ASIC2: variants seen among roughly 807,000 people sequenced by gnomAD.
ASIC2 encodes the protein acid-sensing ion channel 2.
In ASIC2, 25 loss-of-function variants were observed where a neutral mutation model predicts 57.3. That is an observed-to-expected ratio of 0.44 (90% confidence interval 0.32 to 0.61). ASIC2 has a LOEUF of 0.61. Ranked by LOEUF, ASIC2 falls within the 20% of genes least tolerant of loss-of-function variation. The pLI is 0.06. For missense variants in ASIC2, 641 were observed against 738.1 expected (o/e 0.87, Z 1.52); for synonymous variants, 319 against 307.5 (o/e 1.04, Z -0.39).
chr17:33,750,072 T>C (rs1400859630), intron 1 of ASIC2, among the ~76,000 whole-genome samples: 2 of 152,150 alleles, frequency 1.3e-5, no homozygotes, highest in Non-Finnish European at 2.9e-5. Flanking sequence ...TCTACTCCTG[T>C]CCATTGCATA....
intron 3 of ASIC2, among the ~76,000 whole-genome samples, chr17:33,066,789 C>T (rs992871075): frequency 2.0e-5 from 3 of 152,156 alleles, no homozygotes; most frequent in Non-Finnish European, 4.4e-5. Flanking sequence ...ATTCATTCAA[C>T]AAACATTTCC....
intron 1 of ASIC2, among the ~76,000 whole-genome samples, chr17:33,356,276 G>A (rs1186286962): frequency 6.6e-6 from 1 of 152,036 alleles, no homozygotes; most frequent in African/African-American, 2.4e-5. Flanking sequence ...AACCCTATAA[G>A]GCATGGATCA....
chr17:34,030,787 A>G (rs1907576100), intron 1 of ASIC2, among the ~76,000 whole-genome samples: 1 of 152,202 alleles, frequency 6.6e-6, no homozygotes, highest in Non-Finnish European at 1.5e-5. Flanking sequence ...TCAAACTGCA[A>G]GGCAGCAGAG....
chr17:33,901,637 G>A (rs189180688), intron 1 of ASIC2, among the ~76,000 whole-genome samples: 2 of 152,252 alleles, frequency 1.3e-5, no homozygotes, highest in Admixed American at 1.3e-4. Flanking sequence ...CATATGATAA[G>A]CTTTATGAAA....
intron 1 of ASIC2, among the ~76,000 whole-genome samples, chr17:33,560,931 C>T (rs189673449): frequency 1.1e-3 from 163 of 152,270 alleles, no homozygotes; most frequent in African/African-American, 3.8e-3. Context: ...ATTCCAAAGC[C>T]CATAGACCTT....
At chr17:33,284,628 C>G (rs151259136) in intron 1 of ASIC2, among the ~76,000 whole-genome samples, 69 of 152,266 alleles carry the variant, frequency 4.5e-4, no homozygotes, top group African/African-American at 1.6e-3. Flanking sequence ...TTATCAGCAT[C>G]TCTGAGTGTT....
At chr17:33,452,736 G>GGGGT (rs1555535329) in intron 1 of ASIC2, among the ~76,000 whole-genome samples, 2 of 82,288 alleles carry the variant, frequency 2.4e-5, no homozygotes, top group East Asian at 7.4e-4. Flanking sequence ...GGAACAGAGT[G>GGGGT]GGGTGTGTGT....
upstream of ASIC2, among the ~76,000 whole-genome samples, chr17:33,294,575 A>G (rs921444705): frequency 1.3e-5 from 2 of 152,052 alleles, no homozygotes; most frequent in Admixed American, 1.3e-4. Context: ...TCACCCACAT[A>G]CATACATCCA....
intron 1 of ASIC2, among the ~76,000 whole-genome samples, chr17:33,903,701 A>G (rs1240833511): frequency 6.6e-6 from 1 of 152,242 alleles, no homozygotes; most frequent in African/African-American, 2.4e-5. Context: ...TGAATTAAAC[A>G]ACCAGGGGTT....
intron 1 of ASIC2, among the ~76,000 whole-genome samples, chr17:34,094,892 G>A (rs1195862065): frequency 3.3e-5 from 5 of 152,152 alleles, no homozygotes; most frequent in African/African-American, 7.2e-5. Context: ...TTCTCATGCT[G>A]GAATGTGCAA....
chr17:33,642,216 C>A (rs1030585054), intron 1 of ASIC2, among the ~76,000 whole-genome samples: 1 of 146,526 alleles, frequency 6.8e-6, no homozygotes, highest in African/African-American at 2.6e-5. Flanking sequence ...CACCCCCCCC[C>A]CCCCCACACA....
At chr17:33,770,629 G>A (rs1260794698) in intron 1 of ASIC2, among the ~76,000 whole-genome samples, 1 of 152,156 alleles carries the variant, frequency 6.6e-6, no homozygotes, top group African/African-American at 2.4e-5. Flanking sequence ...CTTGTAGCCA[G>A]CTGCCTCTTG....
In ASIC2 at chr17:34,105,314, T is replaced by G. The variant is rs558384520; in HGVS notation, c.555+50664A>C. ...ATGATATTCATTTCTTAATTCATGTTATTATACTATAGATAACTTGTGTTT... is the reference window on the plus strand; with the variant it reads ...ATGATATTCATTTCTTAATTCATGTGATTATACTATAGATAACTTGTGTTT... On this transcript the variant is annotated intron_variant, in intron 1 of 9. Transcript: ENST00000359872. Among the ~76,000 whole-genome samples, 6 of 152,054 alleles carry G rather than the reference T, an allele frequency of 3.9e-5. No homozygotes were observed. In the East Asian group the frequency reaches 9.6e-4, roughly 24 times the overall value.
At chr17:33,110,792 G>A (rs1468452694) in intron 2 of ASIC2, among the ~76,000 whole-genome samples, 1 of 152,062 alleles carries the variant, frequency 6.6e-6, no homozygotes, top group Non-Finnish European at 1.5e-5. Flanking sequence ...CAACAGGTAG[G>A]GGCTGGGCTA....
chr17:34,031,612 GA>G (rs1404081895), intron 1 of ASIC2, among the ~76,000 whole-genome samples: 1 of 151,812 alleles, frequency 6.6e-6, no homozygotes. Context: ...TAAAAGCTTT[GA>G]AAAAAAATTA....
chr17:33,015,359 G>A (rs888049934), intron 9 of ASIC2, among the ~76,000 whole-genome samples: 3 of 152,192 alleles, frequency 2.0e-5, no homozygotes, highest in Non-Finnish European at 4.4e-5. Context: ...CTGCCCTCGG[G>A]CTATAGGAAA....
chr17:33,932,845 A>G (rs962886845), intron 1 of ASIC2, among the ~76,000 whole-genome samples: 1 of 150,010 alleles, frequency 6.7e-6, no homozygotes, highest in South Asian at 2.1e-4. Context: ...CTTGCATTAA[A>G]TTTCTATTGG....
At chr17:33,842,361 G>T (rs72816934) in intron 1 of ASIC2, among the ~76,000 whole-genome samples, 23,975 of 152,162 alleles carry the variant, frequency 0.16, 2,337 homozygotes, top group South Asian at 0.23. Context: ...CCCCAGCTCG[G>T]GACACACATT....
At chr17:33,974,605 T>TATCCATCCATCC (rs55947544) in intron 1 of ASIC2, among the ~76,000 whole-genome samples, 6,018 of 145,376 alleles carry the variant, frequency 0.041, 313 homozygotes, top group African/African-American at 0.11. Flanking sequence ...GGAACCTATC[T>TATCCATCCATCC]ATCCATCCAT....
Sources: gnomAD v4.1 joint callset for allele counts (sites outside exome capture counted in the v4.1 genomes callset) on GRCh38, gnomAD v4.1.1 for gene constraint, MANE v1.5 for transcripts, NCBI Gene and HGNC (gene_info 2026-07-23, HGNC 2026-07-21) for gene names.